PNPLA7: variants seen among roughly 807,000 people sequenced by gnomAD.
PNPLA7 encodes patatin-like phospholipase domain-containing protein 7.
A neutral mutation model predicts 161.7 loss-of-function variants in PNPLA7; 153 were observed. That is an observed-to-expected ratio of 0.95 (90% CI 0.83 to 1.08). The LOEUF (loss-of-function observed/expected upper bound fraction) is 1.08, where lower values mean the gene tolerates loss of function less well. PNPLA7 is among the 50% of genes least tolerant of loss of function. The pLI is 0.00. For missense variants in PNPLA7, 1,739 were observed against 1,856.6 expected, an observed-to-expected ratio of 0.94 and a Z score of 1.16; for synonymous variants, 809 against 782.1, an observed-to-expected ratio of 1.03 and a Z score of -0.57.
Position 137,464,139 on chromosome 9 carries a change from C to A in PNPLA7, c.3213G>T (p.Arg1071=), listed in dbSNP as rs1190033796. 5.0e-6 allele frequency: 8 copies of A among 1,613,658 alleles called. No homozygotes were observed. Among genetic ancestry groups the A allele is most frequent in the Non-Finnish European group, 6.8e-6 (8 of 1,179,946 alleles). Residue 1071 remains arginine (R), a synonymous_variant, in exon 28 of 35, where the codon CGG becomes CGT. Coordinates refer to ENST00000406427, the MANE Select transcript of PNPLA7 (RefSeq NM_001098537.3). ...AGGAGTGCTCACCGTCGGTGTGGAC[C>A]CGCATGGCCGAGGCTGTGATGTCGG... ...ITTDITASAM[R]VHTDGSLWWY...
In PNPLA7 at chr9:137,540,619, G is replaced by T; in HGVS notation, c.747+23C>A. On this transcript the variant is annotated intron_variant, in intron 8 of 34. Transcript: ENST00000406427. The surrounding 1 kb of genome is among the most constrained non-coding windows in gnomAD (Gnocchi z 5.1). ...CGGGGCCAACCCAGGGGCGCCCGGA[G>T]GGCCAGGCAGCGGGGGACTCACGGT... 1 of 1,598,706 alleles carries T rather than the reference G, an allele frequency of 6.3e-7. No homozygotes were observed.
In PNPLA7 at chr9:137,550,211, A is replaced by G. The variant is rs942192533; in HGVS notation, c.-14T>C. ...CTCTTCCTCCATGGCCAGAAACAGA[A>G]AAAACAGTCAGGGGCGAAAAGCAGA... is the stretch of plus-strand genomic sequence containing the variant. On this transcript the variant is annotated 5_prime_UTR_variant, in exon 1 of 35. Transcript: ENST00000406427. 4.3e-6 allele frequency: 7 copies of G among 1,612,974 alleles called. No individual in the cohort carries two copies. The African/African-American group carries it at 5.3e-5, about 12-fold the overall frequency.
At position 137,480,862 on chromosome 9, in the gene PNPLA7, C is replaced by T. The variant is rs1178335153; in HGVS notation, c.2411+98G>A. On this transcript the variant is annotated intron_variant, in intron 22 of 34. Transcript: ENST00000406427. ...ACCACAGTGTGCTGGACGAGGAGCA[C>T]GCTGCAGTGCAGATGCTGGATGTGG... 1.3e-5 allele frequency: 17 copies of T among 1,280,560 alleles called. 1 individual carries two copies. Among genetic ancestry groups the T allele is most frequent in the South Asian group, 6.4e-5 (5 of 78,258 alleles). 79.3% of individuals were successfully genotyped at this position (1,280,560 alleles called of 1,614,324 possible). A position where few individuals can be genotyped will look rare whatever the true frequency, so the allele number is the denominator to read the frequency against.
intron 8 of PNPLA7, among the ~76,000 whole-genome samples, chr9:137,533,076 T>C (rs1267056914): frequency 5.3e-5 from 7 of 131,666 alleles, no homozygotes; most frequent in Middle Eastern, 6.0e-3. Context: ...GGGAGCACTC[T>C]CAGACTCCTC....
In PNPLA7 at chr9:137,463,357, G is replaced by A. The variant is rs114224296; in HGVS notation, c.3343+58C>T. 980 of 1,449,210 alleles carry A rather than the reference G, an allele frequency of 6.8e-4. 11 individuals are homozygous for A. In the African/African-American group the frequency reaches 0.013, roughly 19 times the overall value. 89.8% of individuals were successfully genotyped at this position (1,449,210 alleles called of 1,614,324 possible). A position where few individuals can be genotyped will look rare whatever the true frequency, so the allele number is the denominator to read the frequency against. Reference sequence around the variant, plus strand: ...GGAGGCAGCTGTGGCAGGGGCCGTGGGGCGGCGTGACCCAGGAGCCTGTGC... The same window carrying A: ...GGAGGCAGCTGTGGCAGGGGCCGTGAGGCGGCGTGACCCAGGAGCCTGTGC... On this transcript the variant is annotated intron_variant, in intron 29 of 34. Transcript: ENST00000406427.
chr9:137,545,141 G>A (rs1194255905), intron 4 of PNPLA7, among the ~76,000 whole-genome samples: 1 of 152,136 alleles, frequency 6.6e-6, no homozygotes, highest in Non-Finnish European at 1.5e-5. Flanking sequence ...GGCCAAAGAC[G>A]AGGAAGGGTT....
rs573144221 is a variant in PNPLA7, at chr9:137,549,374, T to C, written c.30+794A>G. On this transcript the variant is annotated intron_variant, in intron 1 of 34. Transcript: ENST00000406427. ...CGAGGTCAGGAAATCGAGACCATCCTGGCTAACACAGTGAAACACCGTCTC... is the reference window on the plus strand; with the variant it reads ...CGAGGTCAGGAAATCGAGACCATCCCGGCTAACACAGTGAAACACCGTCTC... 1.7e-3 allele frequency among the ~76,000 whole-genome samples: 263 copies of C among 152,152 alleles called. 1 individual carries two copies. Among genetic ancestry groups the C allele is most frequent in the African/African-American group, 5.9e-3 (243 of 41,506 alleles).
chr9:137,514,363 G>A (rs1283062834), intron 12 of PNPLA7, among the ~76,000 whole-genome samples: 1 of 141,576 alleles, frequency 7.1e-6, no homozygotes, highest in Admixed American at 6.9e-5. Context: ...CGGGTCACCC[G>A]GATGTTGAGG....
intron 8 of PNPLA7, among the ~76,000 whole-genome samples, chr9:137,538,288 C>T (rs1178910436): frequency 6.6e-6 from 1 of 152,030 alleles, no homozygotes; most frequent in African/African-American, 2.4e-5. Context: ...AACGAGATGC[C>T]GAGGTCCCAC....
intron 20 of PNPLA7, chr9:137,491,522 A>G (rs1832762524): frequency 2.0e-6 from 2 of 985,428 alleles, no homozygotes; most frequent in Non-Finnish European, 2.4e-6. Context: ...CGTGTTAGAC[A>G]GTGTCCCCCA....
At position 137,467,385 on chromosome 9, in the gene PNPLA7, C is replaced by T. The variant is rs376770737; in HGVS notation, c.2971G>A (p.Val991Met). 85 of 1,613,444 alleles carry T rather than the reference C, an allele frequency of 5.3e-5. 2 individuals carry two copies. The South Asian group carries it at 5.5e-4, about 10-fold the overall frequency. The part of the protein sequence containing the change: ...MVGGTSIGAF[V>M]GALYSEERNY... ...CGCTCCTCAGAGTACAGGGCACCCA[C>T]GAAGGCCCCGATGGACGTGCCTCCC... The change falls in exon 26 of 35, where the codon GTG becomes ATG. Residue 991 changes from valine (V) to methionine (M), a missense_variant. Coordinates refer to ENST00000406427, the MANE Select transcript of PNPLA7 (RefSeq NM_001098537.3). The surrounding 1 kb of genome is among the most constrained non-coding windows in gnomAD (Gnocchi z 5.1).
In PNPLA7 at chr9:137,479,891, G is replaced by A. The variant is rs147344180; in HGVS notation, c.2580+421C>T. The stretch of plus-strand genomic sequence containing the variant: ...TTGGCTGAGGATGCAGAGGCAGAGG[G>A]TAAGGCATTCACAAGAGGAAAACTA... On this transcript the variant is annotated intron_variant, in intron 23 of 34. Transcript: ENST00000406427. 2.1e-4 allele frequency: 206 copies of A among 985,360 alleles called. No individual in the cohort carries two copies. The Middle Eastern group carries it at 7.3e-3, about 35-fold the overall frequency. 61.0% of individuals were successfully genotyped at this position (985,360 alleles called of 1,614,324 possible). A position where few individuals can be genotyped will look rare whatever the true frequency, so the allele number is the denominator to read the frequency against.
At position 137,500,327 on chromosome 9, in the gene PNPLA7, C is replaced by T. The variant is rs1453460306; in HGVS notation, c.1757+364G>A. ...CTGCAGAGGTGGGACGGCTCACGGCCCCTGAAGCCCGGCCCTGCCCCAACG... is the reference window on the plus strand; with the variant it reads ...CTGCAGAGGTGGGACGGCTCACGGCTCCTGAAGCCCGGCCCTGCCCCAACG... On this transcript the variant is annotated intron_variant, in intron 16 of 34. Coordinates refer to ENST00000406427, the MANE Select transcript of PNPLA7 (RefSeq NM_001098537.3). The surrounding 1 kb of genome is among the most constrained non-coding windows in gnomAD (Gnocchi z 5.5). 1.3e-5 allele frequency among the ~76,000 whole-genome samples: 2 copies of T among 152,242 alleles called. No homozygotes were observed. Among genetic ancestry groups the T allele is most frequent in the Non-Finnish European group, 2.9e-5 (2 of 68,044 alleles).
At chr9:137,503,735 GGGAA>G (rs1315301801) in intron 14 of PNPLA7, among the ~76,000 whole-genome samples, 2 of 141,898 alleles carry the variant, frequency 1.4e-5, no homozygotes, top group Admixed American at 1.4e-4. Flanking sequence ...AAAGGGGAAG[GGGAA>G]GGAAGAAGAA....
chr9:137,513,501 G>T (rs1834345500), intron 12 of PNPLA7, among the ~76,000 whole-genome samples: 1 of 151,210 alleles, frequency 6.6e-6, no homozygotes, highest in Non-Finnish European at 1.5e-5. Context: ...TTAAAAAACA[G>T]AAATAAATAA....
intron 20 of PNPLA7, 96 bp from the exon 21 acceptor site, chr9:137,484,832 G>A: frequency 3.6e-6 from 5 of 1,406,930 alleles, no homozygotes; most frequent in Admixed American, 5.1e-5. Flanking sequence ...CAGGAGCAAC[G>A]CAGCAGCACC....
chr9:137,462,057 G>A lies in PNPLA7; in HGVS notation c.3646-16C>T. ...AGCCCACTTCCTGTGCACACCCCCA[G>A]GGCCCCGTCAGGAGGTGTGGGGAGC... On this transcript the variant is annotated splice_polypyrimidine_tract_variant and intron_variant, in intron 31 of 34. Transcript: ENST00000406427. 1 of 1,565,754 alleles carries A rather than the reference G, an allele frequency of 6.4e-7. No individual in the cohort carries two copies. The highest frequency in any genetic ancestry group is 8.7e-7 in the Non-Finnish European group (1 of 1,154,700).
intron 12 of PNPLA7, chr9:137,508,868 G>T (rs1327053999): frequency 6.6e-6 from 1 of 152,116 alleles, no homozygotes; most frequent in Non-Finnish European, 1.5e-5. Flanking sequence ...AATATATAAA[G>T]AATTCCTATT....
chr9:137,537,418 A>G lies in PNPLA7; in HGVS notation c.747+3224T>C, dbSNP rs934690835. Among the ~76,000 whole-genome samples the G allele has an allele frequency of 5.9e-5, 9 of 152,108 alleles. No individual in the cohort carries two copies. The highest frequency in any genetic ancestry group is 1.9e-4 in the African/African-American group (8 of 41,398). ...CTGCAACCTCCAAATCCCTGGTTCA[A>G]GGGATTCTCCTGCCTCAGCCTCCCG... is the stretch of plus-strand genomic sequence containing the variant. On this transcript the variant is annotated intron_variant, in intron 8 of 34. Transcript: ENST00000406427. The surrounding 1 kb of genome is among the most constrained non-coding windows in gnomAD (Gnocchi z 4.5).
Sources: gnomAD v4.1 joint callset for allele counts (sites outside exome capture counted in the v4.1 genomes callset) on GRCh38, gnomAD v4.1.1 for gene constraint, Gnocchi (gnomAD v3.1) non-coding constraint, MANE v1.5 for transcripts, NCBI Gene and HGNC (gene_info 2026-07-23, HGNC 2026-07-21) for gene names.